The following RBFOX1 variants were observed in gnomAD, a reference collection of about 807,000 sequenced individuals.
RBFOX1 encodes RNA binding fox-1 homolog 1.
In RBFOX1, 8 loss-of-function variants were observed where a neutral mutation model predicts 57.7. That is an observed-to-expected ratio of 0.14 (90% CI 0.08 to 0.25). The LOEUF (loss-of-function observed/expected upper bound fraction) is 0.25, where lower values mean the gene tolerates loss of function less well. RBFOX1 is among the 10% of genes least tolerant of loss of function. The probability of loss-of-function intolerance (pLI) is 1.00; values close to 1 mark genes in which losing one functional copy is unlikely to be tolerated. For synonymous variants in RBFOX1, 326 were observed against 222.4 expected, an observed-to-expected ratio of 1.47 and a Z score of -4.15; for missense variants, 611 against 548.5, an observed-to-expected ratio of 1.11 and a Z score of -1.14.
At chr16:6,079,013 A>T (rs1023325064) in intron 1 of RBFOX1, among the ~76,000 whole-genome samples, 1 of 152,184 alleles carries the variant, frequency 6.6e-6, no homozygotes, top group South Asian at 2.1e-4. Context: ...CTAGTGTAAA[A>T]GTCATTTTTC....
chr16:7,217,107 C>A (rs1430815310), intron 4 of RBFOX1, among the ~76,000 whole-genome samples: 1 of 143,330 alleles, frequency 7.0e-6, no homozygotes, highest in Admixed American at 7.1e-5. Flanking sequence ...CTTCCCTTCC[C>A]TTTCCTTTCC....
At chr16:5,876,854 T>C (rs535955229) in intron 4 of RBFOX1, among the ~76,000 whole-genome samples, 2 of 152,294 alleles carry the variant, frequency 1.3e-5, no homozygotes, top group South Asian at 4.1e-4. Context: ...TTCCAAGGAT[T>C]CACCATGTTT....
At chr16:5,466,534 G>A (rs569340259) in intron 1 of RBFOX1, among the ~76,000 whole-genome samples, 1 of 152,222 alleles carries the variant, frequency 6.6e-6, no homozygotes, top group African/African-American at 2.4e-5. Flanking sequence ...TAGGGTTTCT[G>A]TGTGTGCCCT....
chr16:7,448,727 C>T (rs888102242), intron 4 of RBFOX1, among the ~76,000 whole-genome samples: 1 of 152,256 alleles, frequency 6.6e-6, no homozygotes, highest in African/African-American at 2.4e-5. Flanking sequence ...CTTGTGGCTG[C>T]ATTACTCCAA....
intron 4 of RBFOX1, chr16:7,431,393 A>T (rs1453286019): frequency 7.5e-6 from 1 of 133,982 alleles, no homozygotes; most frequent in African/African-American, 3.6e-5. Context: ...TGCGCAGTTA[A>T]TTTTTTAATT....
rs116002975 is a variant in RBFOX1 at position 7,219,772 on chromosome 16, G to T, written c.27+167674G>T. 4.9e-3 allele frequency among the ~76,000 whole-genome samples: 749 copies of T among 152,194 alleles called. 5 individuals carry two copies. The highest frequency in any genetic ancestry group is 0.016 in the African/African-American group (684 of 41,510). On this transcript the variant is annotated intron_variant, in intron 4 of 15. Transcript: ENST00000550418. ...TCCATTCCTTTTAGAAAAGCCAGAC[G>T]GATAATTTAATTTTTGTTCTCTATG...
intron 2 of RBFOX1, among the ~76,000 whole-genome samples, chr16:6,361,653 C>G (rs1407130718): frequency 6.7e-6 from 1 of 149,664 alleles, no homozygotes; most frequent in Non-Finnish European, 1.5e-5. Context: ...AAATCATGGT[C>G]AATCATTCTT....
At chr16:7,468,159 A>C (rs2060867015) in intron 4 of RBFOX1, among the ~76,000 whole-genome samples, 1 of 152,142 alleles carries the variant, frequency 6.6e-6, no homozygotes, top group South Asian at 2.1e-4. Flanking sequence ...TTAAATCTCC[A>C]CAGTAAAGTT....
chr16:5,898,672 T>C (rs1469561771), intron 4 of RBFOX1, among the ~76,000 whole-genome samples: 1 of 151,962 alleles, frequency 6.6e-6, no homozygotes, highest in Admixed American at 6.6e-5. Flanking sequence ...GAGTGGCAAG[T>C]CCAGAATTTG....
intron 2 of RBFOX1, among the ~76,000 whole-genome samples, chr16:6,346,202 A>G (rs2085341102): frequency 6.6e-6 from 1 of 152,160 alleles, no homozygotes; most frequent in South Asian, 2.1e-4. Flanking sequence ...GCAAGTGAAT[A>G]CTTATTATAT....
intron 2 of RBFOX1, among the ~76,000 whole-genome samples, chr16:6,393,678 C>T (rs975239469): frequency 5.3e-5 from 8 of 152,134 alleles, no homozygotes; most frequent in Non-Finnish European, 1.0e-4. Context: ...TCTTAATACC[C>T]CACATTATCT....
chr16:7,170,434 G>A lies in RBFOX1; in HGVS notation c.27+118336G>A, dbSNP rs533015898. ...CTACAGGCACAGGTCACCACACCCA[G>A]CTAATTAAAATTCTTTTTTTTTTCC... On this transcript the variant is annotated intron_variant, in intron 4 of 15. Transcript: ENST00000550418. 2.8e-4 allele frequency among the ~76,000 whole-genome samples: 43 copies of A among 152,192 alleles called. No individual in the cohort carries two copies. In the South Asian group the frequency reaches 5.8e-3, roughly 21 times the overall value.
chr16:6,707,749 A>T (rs1568300576), intron 3 of RBFOX1, among the ~76,000 whole-genome samples: 1 of 152,164 alleles, frequency 6.6e-6, no homozygotes, highest in African/African-American at 2.4e-5. Flanking sequence ...AGATTCTGCA[A>T]CTTTAGTAGC....
At chr16:7,139,008 T>C (rs925477739) in intron 4 of RBFOX1, among the ~76,000 whole-genome samples, 1 of 152,170 alleles carries the variant, frequency 6.6e-6, no homozygotes, top group Non-Finnish European at 1.5e-5. Context: ...TTTACCATTT[T>C]GAGCAGGCTG....
Position 7,364,761 on chromosome 16 carries a change from C to G in RBFOX1, c.28-153386C>G, listed in dbSNP as rs376612362. ...GCAGGGAATACTTGCTAGTTGTGTT[C>G]TCTCTCTAAGGTAATCTGTTGGAAG... On this transcript the variant is annotated intron_variant, in intron 4 of 15. Coordinates refer to ENST00000550418, the MANE Select transcript of RBFOX1 (RefSeq NM_018723.4). 1.3e-4 allele frequency among the ~76,000 whole-genome samples: 20 copies of G among 152,244 alleles called. 1 individual carries two copies. In the East Asian group the frequency reaches 3.9e-3, roughly 29 times the overall value.
Position 5,342,373 on chromosome 16 carries a change from G to T in RBFOX1, c.219+102268G>T, listed in dbSNP as rs574216221. The stretch of plus-strand genomic sequence containing the variant: ...AAGCCTTGGGGGACTACAGAGCAGA[G>T]TCCTGCAGGTAGTCAGGCTTGGTGA... On this transcript the variant is annotated intron_variant, in intron 1 of 2. Transcript: ENST00000585867. Among the ~76,000 whole-genome samples the T allele has an allele frequency of 2.0e-5, 3 of 152,266 alleles. No individual in the cohort carries two copies. In the South Asian group the frequency reaches 6.2e-4, roughly 32 times the overall value.
chr16:6,239,181 G>T (rs935169137), intron 1 of RBFOX1, among the ~76,000 whole-genome samples: 1 of 152,048 alleles, frequency 6.6e-6, no homozygotes, highest in African/African-American at 2.4e-5. Flanking sequence ...ATAAATAACG[G>T]TATGAATGAA....
intron 11 of RBFOX1, among the ~76,000 whole-genome samples, chr16:7,641,774 T>C (rs1054394866): frequency 1.3e-5 from 2 of 152,174 alleles, no homozygotes; most frequent in South Asian, 2.1e-4. Flanking sequence ...ACTGTCACGG[T>C]AGACTAGTGC....
intron 4 of RBFOX1, among the ~76,000 whole-genome samples, chr16:7,070,340 A>G (rs765799610): frequency 1.8e-4 from 27 of 152,210 alleles, no homozygotes; most frequent in Non-Finnish European, 2.8e-4. Context: ...TGGATAGAGA[A>G]CATGGAGGCA....
Sources: allele counts gnomAD v4.1 joint callset (sites outside exome capture counted in the v4.1 genomes callset), GRCh38; gene constraint gnomAD v4.1.1; transcripts MANE v1.5; gene names NCBI Gene and HGNC (gene_info 2026-07-23, HGNC 2026-07-21).